Variants in NPHP4 observed in about 807,000 individuals in gnomAD.
NPHP4 encodes nephrocystin 4, also known as nephrocystin-4.
NPHP4 carries 151 observed loss-of-function variants against 155.8 expected under a neutral mutation model. The observed-to-expected ratio is 0.97, with a 90% CI of 0.85 to 1.11. The LOEUF (loss-of-function observed/expected upper bound fraction) is 1.11. Among genes scored for constraint, NPHP4 ranks in the 50% least tolerant of loss-of-function variants. The pLI, the probability that NPHP4 is intolerant of heterozygous loss-of-function variation, is 0.00. For missense variants in NPHP4, 1,956 were observed against 1,925.7 expected, an observed-to-expected ratio of 1.02 and a Z score of -0.29; for synonymous variants, 845 against 816.8, an observed-to-expected ratio of 1.03 and a Z score of -0.59.
rs549954561 is a variant in NPHP4, at chr1:5,887,125, C to T, written c.2485+161G>A. ...ACAACTGGGTCCAGGACAGACTCAG[C>T]GGCCAAGGACACAGGCTCCATGGCC... On this transcript the variant is annotated intron_variant, in intron 18 of 29. Coordinates refer to ENST00000378156, the MANE Select transcript of NPHP4 (RefSeq NM_015102.5). 3.9e-5 allele frequency among the ~76,000 whole-genome samples: 6 copies of T among 152,330 alleles called. No individual in the cohort carries two copies. In the East Asian group the frequency reaches 5.8e-4, roughly 15 times the overall value.
In NPHP4 at chr1:5,890,916, C is replaced by T. The variant is rs760416087; in HGVS notation, c.2256G>A (p.Trp752Ter). Residue 752 changes from tryptophan (W) to a stop codon, truncating the protein, a stop_gained, in exon 17 of 30, where the codon TGG becomes TGA. Coordinates refer to ENST00000378156, the MANE Select transcript of NPHP4 (RefSeq NM_015102.5). LOFTEE classifies it high-confidence loss of function. The surrounding 1 kb of genome is among the most constrained non-coding windows in gnomAD (Gnocchi z 4.9). ...CGATGAGCAGCAGGGAGTCTCCGTC[C>T]CAGACGTCAATCTGCAGGGTCTGCA... The part of the protein sequence containing the change: ...LAVQTLQIDV[W>*]DGDSLLLIGS... 1 of 1,610,402 alleles carries T rather than the reference C, an allele frequency of 6.2e-7. No homozygotes were observed. Among genetic ancestry groups the T allele is most frequent in the South Asian group, 1.1e-5 (1 of 90,488 alleles).
At chr1:5,863,734 G>A (rs1640881658) in intron 29 of NPHP4, 156 bp downstream of exon 29, 15 of 760,244 alleles carry the variant, frequency 2.0e-5, no homozygotes, top group Admixed American at 4.4e-5. Flanking sequence ...AAGATACAAC[G>A]GGCCCACCCA....
intron 20 of NPHP4, among the ~76,000 whole-genome samples, chr1:5,875,309 T>G (rs551586403): frequency 6.7e-6 from 1 of 149,506 alleles, no homozygotes; most frequent in East Asian, 1.9e-4. Context: ...GACAGAGATC[T>G]GCTGGCTGTG....
Position 5,866,438 on chromosome 1 carries a change from G to C in NPHP4, c.3579C>G (p.Asp1193Glu), listed in dbSNP as rs768252123. 21 of 1,603,850 alleles carry C rather than the reference G, an allele frequency of 1.3e-5. No homozygotes were observed. The highest frequency in any genetic ancestry group is 1.8e-5 in the Non-Finnish European group (21 of 1,174,480). ...TQNVGPGEPR[D>E]IFLKVASGPS... Reference sequence around the variant, plus strand: ...GACCACTGGCCACCTTCAGAAATATGTCCCGTGGTTCCCCGGGGCCCTGCC... The same window carrying C: ...GACCACTGGCCACCTTCAGAAATATCTCCCGTGGTTCCCCGGGGCCCTGCC... Residue 1193 changes from aspartate to glutamate, a missense_variant, in exon 26 of 30, where the codon GAC becomes GAG. Coordinates refer to ENST00000378156, the MANE Select transcript of NPHP4 (RefSeq NM_015102.5).
At chr1:5,933,080 G>T in intron 10 of NPHP4, 67 bp downstream of exon 10, 1 of 1,278,046 alleles carries the variant, frequency 7.8e-7, no homozygotes, top group Non-Finnish European at 1.1e-6. Flanking sequence ...GTGAACTTTT[G>T]CTTTTGAAAA....
chr1:5,983,423 G>A (rs779629373), intron 2 of NPHP4, among the ~76,000 whole-genome samples: 2 of 152,138 alleles, frequency 1.3e-5, no homozygotes, highest in East Asian at 1.9e-4. Flanking sequence ...TGCTAAACAC[G>A]TGTTTCCCTT....
chr1:5,981,739 TTTGA>T (rs752604473), intron 2 of NPHP4, among the ~76,000 whole-genome samples: 2 of 152,350 alleles, frequency 1.3e-5, no homozygotes, highest in Admixed American at 6.5e-5. Context: ...AATACTGTAT[TTTGA>T]TTGATCTTTG....
intron 10 of NPHP4, among the ~76,000 whole-genome samples, chr1:5,931,560 C>T (rs1398288289): frequency 1.3e-5 from 2 of 151,630 alleles, no homozygotes; most frequent in African/African-American, 4.8e-5. Context: ...ATGATGAAAC[C>T]CCATCTCTAC....
intron 3 of NPHP4, among the ~76,000 whole-genome samples, chr1:5,971,246 C>T (rs1034492839): frequency 6.6e-6 from 1 of 152,212 alleles, no homozygotes; most frequent in African/African-American, 2.4e-5. Flanking sequence ...AATAATCACT[C>T]TGAGGCCAAA....
intron 16 of NPHP4, among the ~76,000 whole-genome samples, chr1:5,901,088 T>C (rs575024687): frequency 3.6e-4 from 54 of 152,110 alleles, no homozygotes; most frequent in Non-Finnish European, 6.9e-4. Flanking sequence ...CGCAAAATGT[T>C]AGTAATAGGG....
In NPHP4 at chr1:5,904,702, G is replaced by T. The variant is rs754123983; in HGVS notation, c.2058C>A (p.Val686=). The part of the protein sequence containing the change: ...PPATTPRLQL[V]QLDEAGQPSS... ...TGGGCTGGCCGGCCTCATCCAGCTGGACCAGCTGCAGTCGTGGCGTCGTTG... is the reference window on the plus strand; with the variant it reads ...TGGGCTGGCCGGCCTCATCCAGCTGTACCAGCTGCAGTCGTGGCGTCGTTG... Residue 686 remains valine (V), a synonymous_variant, in exon 16 of 30, where the codon GTC becomes GTA. Transcript: ENST00000378156. The T allele has an allele frequency of 6.2e-7, 1 of 1,614,032 alleles. No homozygotes were observed. Among genetic ancestry groups the T allele is most frequent in the Admixed American group, 1.7e-5 (1 of 60,034 alleles).
intron 9 of NPHP4, among the ~76,000 whole-genome samples, chr1:5,945,594 G>A (rs1012947221): frequency 6.6e-5 from 10 of 152,038 alleles, no homozygotes; most frequent in East Asian, 1.9e-4. Flanking sequence ...GCTACACCCC[G>A]ACACCCTGCT....
At chr1:5,972,334 T>G (rs1471676341) in intron 3 of NPHP4, among the ~76,000 whole-genome samples, 1 of 140,986 alleles carries the variant, frequency 7.1e-6, no homozygotes, top group Non-Finnish European at 1.5e-5. Flanking sequence ...ACACTACCCC[T>G]CAAAGACAGC....
intron 7 of NPHP4, among the ~76,000 whole-genome samples, chr1:5,949,183 C>A (rs1647398535): frequency 6.6e-6 from 1 of 152,170 alleles, no homozygotes; most frequent in Non-Finnish European, 1.5e-5. Flanking sequence ...CTCACACAAT[C>A]CGCCCTGACA....
chr1:5,974,448 T>C (rs1184672992), intron 3 of NPHP4, among the ~76,000 whole-genome samples: 1 of 152,198 alleles, frequency 6.6e-6, no homozygotes, highest in Non-Finnish European at 1.5e-5. Context: ...GGGAAAAGTA[T>C]GTCCACCTCA....
chr1:5,883,031 G>C (rs762137937), intron 18 of NPHP4, among the ~76,000 whole-genome samples: 3 of 152,094 alleles, frequency 2.0e-5, no homozygotes, highest in Non-Finnish European at 4.4e-5. Flanking sequence ...GGTGAGAAGG[G>C]CACTCAGGCT....
intron 16 of NPHP4, among the ~76,000 whole-genome samples, chr1:5,893,672 T>C (rs1169354276): frequency 6.6e-6 from 1 of 152,206 alleles, no homozygotes; most frequent in East Asian, 1.9e-4. Context: ...CGAGCATGAC[T>C]GATGTCAGGC....
Position 5,867,058 on chromosome 1 carries a change from G to A in NPHP4, c.3530C>T (p.Pro1177Leu), listed in dbSNP as rs749612555. The change falls in exon 25 of 30, where the codon CCG (proline) becomes CTG (leucine). Residue 1177 changes from proline to leucine, a missense_variant. Transcript: ENST00000378156. This position sits in a 1 kb window ranked among gnomAD's most constrained non-coding sequence, Gnocchi z 4.1. ...DPPVHVRCSD[P>L]NVICETQNVG... is the part of the protein sequence containing the mutation. ...ATTCTGGGTCTCACAGATGACGTTC[G>A]GGTCGCTGCAGCGAACATGGACTGG... 1.8e-5 allele frequency: 29 copies of A among 1,612,902 alleles called. 1 individual carries two copies. The highest frequency in any genetic ancestry group is 1.1e-4 in the East Asian group (5 of 44,852).
intron 18 of NPHP4, among the ~76,000 whole-genome samples, chr1:5,884,962 A>ACC (rs1570233025): frequency 1.0e-4 from 11 of 107,322 alleles, no homozygotes; most frequent in African/African-American, 1.8e-4. Flanking sequence ...TCCCAGCCGA[A>ACC]CCCGTCCTAC....
Sources: allele counts gnomAD v4.1 joint callset (sites outside exome capture counted in the v4.1 genomes callset), GRCh38; gene constraint gnomAD v4.1.1; non-coding constraint Gnocchi (gnomAD v3.1); transcripts MANE v1.5; gene names NCBI Gene and HGNC (gene_info 2026-07-23, HGNC 2026-07-21).